The following ZNF804A variants were observed in gnomAD, a reference collection of about 807,000 sequenced individuals.
The protein encoded by ZNF804A is zinc finger protein 804A.
In ZNF804A, 2 loss-of-function variants were observed where a neutral mutation model predicts 16.5. The ratio of observed to expected loss-of-function variants is 0.12; its 90% CI spans 0.05 to 0.38. ZNF804A has a LOEUF of 0.38. ZNF804A is among the 10% of genes least tolerant of loss of function. ZNF804A has a pLI of 0.99. For synonymous variants in ZNF804A, 534 were observed against 489.6 expected, an observed-to-expected ratio of 1.09 and a Z score of -1.20; for missense variants, 1,473 against 1,390.7, an observed-to-expected ratio of 1.06 and a Z score of -0.94.
intron 2 of ZNF804A, among the ~76,000 whole-genome samples, chr2:184,897,447 T>A (rs1685087558): frequency 1.3e-5 from 2 of 151,788 alleles, no homozygotes; most frequent in Non-Finnish European, 2.9e-5. Flanking sequence ...CATACAGCAA[T>A]TTTTTCCCCT....
Position 184,936,832 on chromosome 2 carries a change from A to C in ZNF804A, c.1436A>C (p.Asp479Ala), listed in dbSNP as rs35676856. The C allele has an allele frequency of 3.1e-6, 5 of 1,612,622 alleles. No homozygotes were observed. Among genetic ancestry groups the C allele is most frequent in the Non-Finnish European group, 4.2e-6 (5 of 1,179,566 alleles). ...VNNNLDKNKP[D>A]LKDLCSQQKQ... is the part of the protein sequence containing the mutation. ...AATAATCTAGATAAAAATAAGCCAG[A>C]CTTAAAAGATCTTTGTTCTCAGCAG... The change falls in exon 4 of 4, where the codon GAC becomes GCC. Residue 479 changes from aspartate to alanine, a missense_variant. Physicochemically the swap from Asp to Ala is moderately radical, Grantham distance 126. Transcript: ENST00000302277.
chr2:184,905,425 A>G (rs1685255671), intron 2 of ZNF804A, among the ~76,000 whole-genome samples: 2 of 152,026 alleles, frequency 1.3e-5, no homozygotes, highest in Admixed American at 1.3e-4. Flanking sequence ...TAGATCTGGC[A>G]TGTTTAAAAA....
chr2:184,652,605 CT>C (rs1692003920), intron 1 of ZNF804A, among the ~76,000 whole-genome samples: 1 of 152,046 alleles, frequency 6.6e-6, no homozygotes, highest in Admixed American at 6.6e-5. Context: ...AAAGAGAGCT[CT>C]TTGTTTTTCT....
intron 1 of ZNF804A, among the ~76,000 whole-genome samples, chr2:184,651,833 C>T (rs1213671123): frequency 6.6e-6 from 1 of 152,130 alleles, no homozygotes; most frequent in African/African-American, 2.4e-5. Context: ...TGCTTATACA[C>T]TGTTTGTGGG....
At chr2:184,877,965 G>C (rs879785920) in intron 2 of ZNF804A, among the ~76,000 whole-genome samples, 3 of 152,038 alleles carry the variant, frequency 2.0e-5, no homozygotes, top group Non-Finnish European at 2.9e-5. Context: ...GCATTGACCC[G>C]TAGAAGGGGA....
chr2:184,751,004 G>T (rs1345658358), intron 1 of ZNF804A, among the ~76,000 whole-genome samples: 1 of 151,378 alleles, frequency 6.6e-6, no homozygotes, highest in Non-Finnish European at 1.5e-5. Flanking sequence ...ACAAATGGAA[G>T]GATATTCCCC....
intron 1 of ZNF804A, among the ~76,000 whole-genome samples, chr2:184,828,370 C>T (rs985343201): frequency 6.6e-6 from 1 of 151,750 alleles, no homozygotes; most frequent in African/African-American, 2.4e-5. Flanking sequence ...AAAGCTGATG[C>T]TGCAAGTAAA....
At chr2:184,606,824 G>T (rs993042739) in intron 1 of ZNF804A, among the ~76,000 whole-genome samples, 1 of 136,466 alleles carries the variant, frequency 7.3e-6, no homozygotes, top group African/African-American at 3.1e-5. Context: ...ATAAATCATA[G>T]GTGTGTCTAC....
At chr2:184,872,490 AAAAC>A (rs1302118429) in intron 2 of ZNF804A, among the ~76,000 whole-genome samples, 1 of 152,138 alleles carries the variant, frequency 6.6e-6, no homozygotes, top group Non-Finnish European at 1.5e-5. Context: ...TGAGAAAACA[AAAAC>A]AAAATTAAAT....
intron 1 of ZNF804A, among the ~76,000 whole-genome samples, chr2:184,615,076 C>T (rs1219438966): frequency 6.6e-6 from 1 of 152,214 alleles, no homozygotes; most frequent in African/African-American, 2.4e-5. Context: ...ACTCTAAAGA[C>T]ACATGCACAC....
chr2:184,890,974 TAATC>T (rs888960956), intron 2 of ZNF804A, among the ~76,000 whole-genome samples: 1 of 152,026 alleles, frequency 6.6e-6, no homozygotes, highest in Non-Finnish European at 1.5e-5. Flanking sequence ...TACCTACACT[TAATC>T]AAGGAGGTTT....
At chr2:184,891,731 T>C (rs1352346762) in intron 2 of ZNF804A, among the ~76,000 whole-genome samples, 1 of 152,182 alleles carries the variant, frequency 6.6e-6, no homozygotes, top group Non-Finnish European at 1.5e-5. Flanking sequence ...GCTAGTCTTG[T>C]CCATATTCTT....
At chr2:184,832,972 AT>A (rs1328559218) in intron 1 of ZNF804A, among the ~76,000 whole-genome samples, 2 of 151,988 alleles carry the variant, frequency 1.3e-5, no homozygotes, top group African/African-American at 4.8e-5. Context: ...CCAAAATTTT[AT>A]TGGACTTATG....
chr2:184,605,097 A>G (rs956407692), intron 1 of ZNF804A, among the ~76,000 whole-genome samples: 2 of 152,122 alleles, frequency 1.3e-5, no homozygotes, highest in African/African-American at 4.8e-5. Flanking sequence ...AGTATTATAC[A>G]TAGTGTAAAT....
chr2:184,866,394 T>G lies in ZNF804A; in HGVS notation c.137T>G (p.Ile46Arg), dbSNP rs764283548. 29 of 1,613,092 alleles carry G rather than the reference T, an allele frequency of 1.8e-5. 1 individual carries two copies. The South Asian group carries it at 3.0e-4, about 16-fold the overall frequency. ...GACTATGCTGAGAAGGAAAATACCA[T>G]AGCAAAAGCTCTGGAAGATCTGAAG... ...TLDYAEKENT[I>R]AKALEDLKAN... Residue 46 changes from isoleucine (I) to arginine (R), a missense_variant, in exon 2 of 4, where the codon ATA becomes AGA. By Grantham distance (97) the Ile-to-Arg change is moderately conservative (BLOSUM62 -3). Transcript: ENST00000302277.
chr2:184,776,114 C>A lies in ZNF804A; in HGVS notation c.112-90255C>A, dbSNP rs191668755. On this transcript the variant is annotated intron_variant, in intron 1 of 3. Coordinates refer to ENST00000302277, the MANE Select transcript of ZNF804A (RefSeq NM_194250.2). ...GGTAATAAAAGAGGTAATGTTTATA[C>A]CCTAACATAGTTTCTTAGAAAAAAG... 5.5e-4 allele frequency among the ~76,000 whole-genome samples: 84 copies of A among 151,528 alleles called. 1 individual carries two copies. The highest frequency in any genetic ancestry group is 3.0e-3 in the Admixed American group (46 of 15,134).
intron 1 of ZNF804A, among the ~76,000 whole-genome samples, chr2:184,750,494 GT>G (rs1559141322): frequency 5.3e-5 from 8 of 151,210 alleles, no homozygotes; most frequent in Non-Finnish European, 3.0e-5. Flanking sequence ...TGCACTAATC[GT>G]TTTTTAAATC....
intron 1 of ZNF804A, among the ~76,000 whole-genome samples, chr2:184,750,267 C>G (rs368690614): frequency 7.0e-4 from 106 of 151,296 alleles, no homozygotes; most frequent in African/African-American, 2.5e-3. Flanking sequence ...ATAGCATAAC[C>G]AAGTTGCCAG....
At chr2:184,730,329 C>A (rs1215209866) in intron 1 of ZNF804A, among the ~76,000 whole-genome samples, 1 of 151,232 alleles carries the variant, frequency 6.6e-6, no homozygotes, top group Admixed American at 6.6e-5. Context: ...TTATCAACAA[C>A]CCCTACCAGA....
Sources: allele counts gnomAD v4.1 joint callset (sites outside exome capture counted in the v4.1 genomes callset), GRCh38; gene constraint gnomAD v4.1.1; transcripts MANE v1.5; gene names NCBI Gene and HGNC (gene_info 2026-07-23, HGNC 2026-07-21).